ZMYM6: variants seen among roughly 807,000 people sequenced by gnomAD.
ZMYM6 encodes zinc finger MYM-type containing 6, also known as zinc finger MYM-type protein 6.
In ZMYM6, 90 loss-of-function variants were observed where a neutral mutation model predicts 134.0. The ratio of observed to expected loss-of-function variants is 0.67; its 90% CI spans 0.57 to 0.80. The LOEUF is 0.80. Ranked by LOEUF, ZMYM6 falls within the 30% of genes least tolerant of loss-of-function variation. The probability of loss-of-function intolerance (pLI) is 0.00; values close to 1 mark genes in which losing one functional copy is unlikely to be tolerated. For synonymous variants in ZMYM6, 481 were observed against 524.1 expected (o/e 0.92, Z 1.12); for missense variants, 1,362 against 1,533.9 (o/e 0.89, Z 1.87).
chr1:35,014,868 A>T lies in ZMYM6; in HGVS notation c.624T>A (p.Tyr208Ter). ...TACAAAGACCATGTACCACATTTTG[A>T]TATTTAACTTCAAATCGAGTCTAGG... ...KNADTRFEVK[Y>*]QNVVHGLCSD... Residue 208 changes from tyrosine to a stop codon, truncating the protein, a stop_gained, in exon 6 of 16, where the codon TAT (tyrosine) becomes TAA (stop). Transcript: ENST00000357182. LOFTEE classifies it high-confidence loss of function. 1 of 1,614,146 alleles carries T rather than the reference A, an allele frequency of 6.2e-7. No homozygotes were observed. The highest frequency in any genetic ancestry group is 8.5e-7 in the Non-Finnish European group (1 of 1,180,028).
chr1:34,997,516 G>A (rs1165090884), intron 14 of ZMYM6, among the ~76,000 whole-genome samples: 1 of 152,140 alleles, frequency 6.6e-6, no homozygotes, highest in Admixed American at 6.5e-5. Flanking sequence ...TGTTGGCCAG[G>A]CTGGTCTTGA....
chr1:34,995,068 TATATATACTTAC>T (rs1213544243), intron 14 of ZMYM6, among the ~76,000 whole-genome samples: 4 of 104,612 alleles, frequency 3.8e-5, no homozygotes, highest in Non-Finnish European at 6.4e-5. Context: ...ATATATGTAA[TATATATACTTAC>T]ATACGTATAT....
In ZMYM6 at chr1:34,987,898, C is replaced by T; in HGVS notation, c.3184G>A (p.Val1062Met). 1.3e-6 allele frequency: 2 copies of T among 1,551,708 alleles called. No individual in the cohort carries two copies. Among genetic ancestry groups the T allele is most frequent in the South Asian group, 2.4e-5 (2 of 84,054 alleles). Residue 1062 changes from valine (V) to methionine (M), a missense_variant, in exon 16 of 16, where the codon GTG becomes ATG. Coordinates refer to ENST00000357182, the MANE Select transcript of ZMYM6 (RefSeq NM_007167.4). ...ILCEEMGSEH[V>M]SLPLHAEVRW... ...ACTTCAGCATGAAGCGGTAAACTCACATGCTCAGATCCCATCTCTTCACAC... is the reference window on the plus strand; with the variant it reads ...ACTTCAGCATGAAGCGGTAAACTCATATGCTCAGATCCCATCTCTTCACAC...
intron 6 of ZMYM6, chr1:35,013,448 C>G: frequency 1.0e-6 from 1 of 983,748 alleles, no homozygotes; most frequent in Non-Finnish European, 1.2e-6. Context: ...AGACAGAGTA[C>G]AATACTAGTA....
intron 2 of ZMYM6, among the ~76,000 whole-genome samples, chr1:35,029,837 T>C (rs1355521598): frequency 6.6e-6 from 1 of 152,218 alleles, no homozygotes; most frequent in Non-Finnish European, 1.5e-5. Context: ...TTCCCCATTT[T>C]AGGCTTTTCT....
intron 14 of ZMYM6, 127 bp from the exon 15 acceptor site, chr1:34,992,514 C>CA (rs1466849485): frequency 1.1e-5 from 12 of 1,052,234 alleles, no homozygotes; most frequent in Non-Finnish European, 1.3e-5. Context: ...AGAGTGGTTG[C>CA]AATAAAAAAG....
At chr1:35,006,905 G>A (rs1406756426) in intron 12 of ZMYM6, 46 bp downstream of exon 12, 3 of 1,567,240 alleles carry the variant, frequency 1.9e-6, no homozygotes, top group Admixed American at 1.8e-5. Flanking sequence ...TGCTGATAGT[G>A]TCCTAGCACT....
rs1037074504 is a variant in ZMYM6, at chr1:35,000,061, T to C, written c.1992+3907A>G. 5.3e-5 allele frequency among the ~76,000 whole-genome samples: 8 copies of C among 152,186 alleles called. No homozygotes were observed. The South Asian group carries it at 1.2e-3, about 24-fold the overall frequency. ...AACCCTCCCACCTCAGCCTCCCAAG[T>C]AGCTGAGACTATAGGCGTGCACCAC... On this transcript the variant is annotated intron_variant, in intron 14 of 15. Coordinates refer to ENST00000357182, the MANE Select transcript of ZMYM6 (RefSeq NM_007167.4).
At chr1:35,025,035 A>G (rs1553132555) in intron 2 of ZMYM6, among the ~76,000 whole-genome samples, 1 of 151,874 alleles carries the variant, frequency 6.6e-6, no homozygotes. Context: ...AGCCTGGCTA[A>G]TTTTTTTGTA....
chr1:34,996,389 A>T (rs889634203), intron 14 of ZMYM6, among the ~76,000 whole-genome samples: 3 of 152,220 alleles, frequency 2.0e-5, no homozygotes, highest in Non-Finnish European at 4.4e-5. Flanking sequence ...TGAAAAAAAA[A>T]TTCTATGAAT....
intron 2 of ZMYM6, among the ~76,000 whole-genome samples, chr1:35,026,330 A>C (rs1641415028): frequency 6.6e-6 from 1 of 152,210 alleles, no homozygotes. Flanking sequence ...CTTCAACTAT[A>C]ATTTTAATAT....
intron 14 of ZMYM6, among the ~76,000 whole-genome samples, chr1:35,003,437 T>C (rs530688717): frequency 3.1e-4 from 47 of 152,346 alleles, no homozygotes; most frequent in Non-Finnish European, 1.8e-4. Context: ...AGTCTAAATA[T>C]ATTTTTACTT....
chr1:35,001,557 T>C (rs1277595566), intron 14 of ZMYM6, among the ~76,000 whole-genome samples: 2 of 152,122 alleles, frequency 1.3e-5, no homozygotes, highest in African/African-American at 4.8e-5. Flanking sequence ...ACAACTAATA[T>C]AGAATGTTTT....
chr1:35,023,504 A>G (rs1467116631), intron 2 of ZMYM6, among the ~76,000 whole-genome samples: 1 of 152,250 alleles, frequency 6.6e-6, no homozygotes, highest in Non-Finnish European at 1.5e-5. Flanking sequence ...TCCAAAGTGC[A>G]TGTTCTTAAA....
intron 15 of ZMYM6, chr1:34,989,196 T>C: frequency 8.4e-7 from 1 of 1,195,122 alleles, no homozygotes; most frequent in Non-Finnish European, 1.0e-6. Flanking sequence ...AAGCACCCAA[T>C]AGGTTATTGA....
chr1:35,018,074 A>G (rs1641236115), intron 4 of ZMYM6: 2 of 152,112 alleles, frequency 1.3e-5, no homozygotes, highest in African/African-American at 4.8e-5. Context: ...GCCACATGTG[A>G]TGGCTCACAC....
chr1:35,026,081 C>T (rs564604752), intron 2 of ZMYM6, among the ~76,000 whole-genome samples: 91 of 152,046 alleles, frequency 6.0e-4, no homozygotes, highest in Non-Finnish European at 1.2e-3. Context: ...AGTGCAGTGG[C>T]GCAATCTCAG....
intron 6 of ZMYM6, chr1:35,013,590 C>T (rs888221912): frequency 8.1e-6 from 8 of 985,230 alleles, no homozygotes; most frequent in Admixed American, 1.2e-4. Context: ...GATGAATGTC[C>T]ATATGTCCAT....
intron 14 of ZMYM6, among the ~76,000 whole-genome samples, chr1:34,995,818 TAAAC>T (rs1252775773): frequency 2.6e-5 from 4 of 152,238 alleles, no homozygotes; most frequent in Admixed American, 2.0e-4. Context: ...TGTATGTAAT[TAAAC>T]AAAGTTGCTT....
Sources: gnomAD v4.1 joint callset for allele counts (sites outside exome capture counted in the v4.1 genomes callset) on GRCh38, gnomAD v4.1.1 for gene constraint, MANE v1.5 for transcripts, NCBI Gene and HGNC (gene_info 2026-07-23, HGNC 2026-07-21) for gene names.